PKD1L1: variants seen among roughly 807,000 people sequenced by gnomAD.
The protein encoded by PKD1L1 is polycystin-1-like protein 1.
In PKD1L1, 236 loss-of-function variants were observed where a neutral mutation model predicts 323.4. The ratio of observed to expected loss-of-function variants is 0.73; its 90% CI spans 0.66 to 0.81. The LOEUF is 0.81. Ranked by LOEUF, PKD1L1 falls within the 40% of genes least tolerant of loss-of-function variation. The pLI, the probability that PKD1L1 is intolerant of heterozygous loss-of-function variation, is 0.00. For missense variants in PKD1L1, 3,320 were observed against 3,508.0 expected (o/e 0.95, Z 1.35); for synonymous variants, 1,344 against 1,335.0 (o/e 1.01, Z -0.15).
At chr7:47,880,939 C>T (rs1786540100) in intron 20 of PKD1L1, 134 bp from the exon 21 acceptor site, 2 of 553,664 alleles carry the variant, frequency 3.6e-6, no homozygotes, top group South Asian at 2.6e-5. Flanking sequence ...AAACATGCCA[C>T]TCCTGCTTGG....
chr7:47,885,825 C>A lies in PKD1L1; in HGVS notation c.3066G>T (p.Ala1022=). The A allele has an allele frequency of 6.2e-7, 1 of 1,614,176 alleles. No homozygotes were observed. ...PMTGVYWIPP[A]GDSAVLGEAP... Reference sequence around the variant, plus strand: ...CCTCCCCCAGGACTGCAGAGTCCCCCGCAGGAGGAATCCAGTAGACTCCAG... The same window carrying A: ...CCTCCCCCAGGACTGCAGAGTCCCCAGCAGGAGGAATCCAGTAGACTCCAG... The change falls in exon 18 of 57, where the codon GCG becomes GCT. Residue 1022 remains alanine (A), a synonymous_variant. Transcript: ENST00000289672.
In PKD1L1 at chr7:47,846,878, C is replaced by A. The variant is rs1353107051; in HGVS notation, c.5153+1G>T. 13 of 1,601,402 alleles carry A rather than the reference C, an allele frequency of 8.1e-6. No homozygotes were observed. The highest frequency in any genetic ancestry group is 1.1e-5 in the Non-Finnish European group (13 of 1,176,376). On this transcript the variant is annotated splice_donor_variant, in intron 32 of 56. Coordinates refer to ENST00000289672, the MANE Select transcript of PKD1L1 (RefSeq NM_138295.5). LOFTEE classifies it high-confidence loss of function. The stretch of plus-strand genomic sequence containing the variant: ...AGATTCTTTCTCAAATGTGTCTATA[C>A]CTGCAGTTCACTTTTTCAGGAGAAG...
At chr7:47,812,986 C>A in intron 49 of PKD1L1, 135 bp downstream of exon 49, 1 of 1,038,672 alleles carries the variant, frequency 9.6e-7, no homozygotes, top group Admixed American at 2.4e-5. Context: ...GGCTGGAGCC[C>A]CTGGCAGTGG....
chr7:47,918,469 C>CA (rs373291606), intron 7 of PKD1L1, among the ~76,000 whole-genome samples: 16,833 of 137,792 alleles, frequency 0.12, 1,031 homozygotes, highest in East Asian at 0.24. Flanking sequence ...AGAAAGTCAA[C>CA]AACAAAAAAA....
chr7:47,805,154 T>C (rs1250447583), intron 52 of PKD1L1, among the ~76,000 whole-genome samples: 1 of 151,856 alleles, frequency 6.6e-6, no homozygotes, highest in Admixed American at 6.6e-5. Flanking sequence ...AAGGTATGTA[T>C]CATAGTTCTA....
At position 47,835,260 on chromosome 7, in the gene PKD1L1, G is replaced by A. The variant is rs761027498; in HGVS notation, c.5944-17C>T. The A allele has an allele frequency of 6.5e-7, 1 of 1,531,642 alleles. No homozygotes were observed. Among genetic ancestry groups the A allele is most frequent in the South Asian group, 1.2e-5 (1 of 81,596 alleles). 94.9% of individuals were successfully genotyped at this position (1,531,642 alleles called of 1,614,324 possible). A position where few individuals can be genotyped will look rare whatever the true frequency, so the allele number is the denominator to read the frequency against. Reference sequence around the variant, plus strand: ...CAAGTGGGGCTGCAACAAAGCAACAGCAGCCATTACATCAACTCAATATGA... The same window carrying A: ...CAAGTGGGGCTGCAACAAAGCAACAACAGCCATTACATCAACTCAATATGA... On this transcript the variant is annotated splice_polypyrimidine_tract_variant and intron_variant, in intron 37 of 56. Transcript: ENST00000289672.
intron 32 of PKD1L1, 145 bp from the exon 33 acceptor site, chr7:47,845,223 T>C: frequency 1.6e-6 from 1 of 634,146 alleles, no homozygotes; most frequent in Non-Finnish European, 2.6e-6. Flanking sequence ...TTTAAAAGAT[T>C]CACCTGACAC....
intron 1 of PKD1L1, among the ~76,000 whole-genome samples, chr7:47,944,516 C>T (rs537483885): frequency 2.5e-4 from 38 of 152,226 alleles, no homozygotes; most frequent in Non-Finnish European, 4.1e-4. Context: ...CAGCGAAGCT[C>T]ACACCATCAG....
chr7:47,904,515 G>C lies in PKD1L1; in HGVS notation c.1794C>G (p.Ser598=), dbSNP rs551775851. 1 of 1,614,128 alleles carries C rather than the reference G, an allele frequency of 6.2e-7. No individual in the cohort carries two copies. The highest frequency in any genetic ancestry group is 1.3e-5 in the African/African-American group (1 of 75,002). Residue 598 remains serine (S), a synonymous_variant, in exon 12 of 57, where the codon TCC becomes TCG. Coordinates refer to ENST00000289672, the MANE Select transcript of PKD1L1 (RefSeq NM_138295.5). ...QKKIVANRLT[S]PSSALVNASV... ...TGGCATTTACCAGAGCTGAGGAGGG[G>C]GACGTGAGCCGATTGGCCACAATTT...
chr7:47,914,293 CT>C (rs111681676), intron 8 of PKD1L1, among the ~76,000 whole-genome samples: 2,249 of 152,316 alleles, frequency 0.015, 48 homozygotes, highest in African/African-American at 0.051. Context: ...TGACAAACAT[CT>C]GTCATTTCAA....
chr7:47,808,179 A>AC, intron 52 of PKD1L1, 68 bp downstream of exon 52: 1 of 1,562,518 alleles, frequency 6.4e-7, no homozygotes, highest in Non-Finnish European at 8.8e-7. Flanking sequence ...AGTTTGTGTG[A>AC]CCTCTGCCTT....
chr7:47,793,464 T>C (rs556002228), intron 55 of PKD1L1, among the ~76,000 whole-genome samples: 2 of 152,302 alleles, frequency 1.3e-5, no homozygotes, highest in Admixed American at 1.3e-4. Flanking sequence ...GTTTCCGCTT[T>C]TGCATCTTGC....
intron 25 of PKD1L1, 89 bp from the exon 26 acceptor site, chr7:47,865,361 T>A: frequency 8.6e-7 from 1 of 1,164,470 alleles, no homozygotes; most frequent in Non-Finnish European, 1.2e-6. Flanking sequence ...CTTGCCTATG[T>A]AGAAATAGTA....
At chr7:47,783,952 C>T (rs150729485) in intron 56 of PKD1L1, among the ~76,000 whole-genome samples, 328 of 152,284 alleles carry the variant, frequency 2.2e-3, no homozygotes, top group Middle Eastern at 6.8e-3. Flanking sequence ...CTTGAGAATT[C>T]AACTTTCTTG....
chr7:47,927,756 T>C (rs1787682928), intron 7 of PKD1L1, among the ~76,000 whole-genome samples: 2 of 152,258 alleles, frequency 1.3e-5, no homozygotes, highest in South Asian at 4.1e-4. Context: ...TTCACAGGAA[T>C]GTAAATAGGA....
At chr7:47,775,304 A>G in intron 56 of PKD1L1, 138 bp from the exon 57 acceptor site, 1 of 860,902 alleles carries the variant, frequency 1.2e-6, no homozygotes, top group South Asian at 1.8e-5. Flanking sequence ...TGACATTTAC[A>G]GAACACTTTG....
chr7:47,854,717 G>A (rs1318068750), intron 30 of PKD1L1, among the ~76,000 whole-genome samples, 165 bp downstream of exon 30: 1 of 152,150 alleles, frequency 6.6e-6, no homozygotes. Flanking sequence ...ACCAAAGTCA[G>A]GAAGCTTAGC....
intron 52 of PKD1L1, among the ~76,000 whole-genome samples, chr7:47,807,437 G>A (rs1214484950): frequency 6.6e-6 from 1 of 152,068 alleles, no homozygotes; most frequent in Non-Finnish European, 1.5e-5. Context: ...GAAGATGGAG[G>A]GGAACTGGCC....
In PKD1L1 at chr7:47,894,070, A is replaced by T. The variant is rs776760112; in HGVS notation, c.2272-11T>A. The stretch of plus-strand genomic sequence containing the variant: ...GCCTTCAATCTGAACCTGCAGGGGC[A>T]AGGAAGGACAGGGGATGTCATGCAG... On this transcript the variant is annotated splice_polypyrimidine_tract_variant and intron_variant, in intron 14 of 56. Coordinates refer to ENST00000289672, the MANE Select transcript of PKD1L1 (RefSeq NM_138295.5). The T allele has an allele frequency of 2.6e-6, 4 of 1,540,184 alleles. No individual in the cohort carries two copies. Among genetic ancestry groups the T allele is most frequent in the Non-Finnish European group, 3.5e-6 (4 of 1,142,510 alleles).
Sources: allele counts gnomAD v4.1 joint callset (sites outside exome capture counted in the v4.1 genomes callset), GRCh38; gene constraint gnomAD v4.1.1; transcripts MANE v1.5; gene names NCBI Gene and HGNC (gene_info 2026-07-23, HGNC 2026-07-21).